The following GPAT3 variants were observed in gnomAD, a reference collection of about 807,000 sequenced individuals.
The protein encoded by GPAT3 is 1-AGP acyltransferase 9.
A neutral mutation model predicts 58.8 loss-of-function variants in GPAT3; 53 were observed. That is an observed-to-expected ratio of 0.90 (90% CI 0.72 to 1.13). GPAT3 has a LOEUF of 1.13. Ranked by LOEUF, GPAT3 falls within the 50% of genes most tolerant of loss-of-function variation. The probability of loss-of-function intolerance (pLI) is 0.00; values close to 1 mark genes in which losing one functional copy is unlikely to be tolerated. For synonymous variants in GPAT3, 197 were observed against 187.4 expected, an observed-to-expected ratio of 1.05 and a Z score of -0.42; for missense variants, 511 against 527.6, an observed-to-expected ratio of 0.97 and a Z score of 0.31.
intron 2 of GPAT3, among the ~76,000 whole-genome samples, chr4:83,545,622 C>G (rs1002148699): frequency 6.6e-6 from 1 of 152,134 alleles, no homozygotes; most frequent in African/African-American, 2.4e-5. Flanking sequence ...ATGATTGAAG[C>G]AACTAGTAGA....
At chr4:83,583,658 C>G (rs55724846) in intron 3 of GPAT3, among the ~76,000 whole-genome samples, 22,906 of 101,396 alleles carry the variant, frequency 0.23, 2,732 homozygotes, top group East Asian at 0.39. Context: ...CAGAGCGAGA[C>G]TCTTGTCTGA....
At chr4:83,555,895 A>AG (rs1724924282) in intron 2 of GPAT3, among the ~76,000 whole-genome samples, 1 of 152,316 alleles carries the variant, frequency 6.6e-6, no homozygotes, top group Non-Finnish European at 1.5e-5. Flanking sequence ...TTGGTGTGGG[A>AG]GAAAAACCCA....
At chr4:83,590,324 T>G in intron 6 of GPAT3, 32 bp downstream of exon 6, 1 of 1,596,856 alleles carries the variant, frequency 6.3e-7, no homozygotes, top group Non-Finnish European at 8.6e-7. Context: ...TTCAAGTAGT[T>G]GCATGTTTTA....
At chr4:83,574,825 A>G (rs1023183935) in intron 2 of GPAT3, among the ~76,000 whole-genome samples, 1 of 141,930 alleles carries the variant, frequency 7.0e-6, no homozygotes, top group African/African-American at 2.6e-5. Flanking sequence ...GTTTATTTCT[A>G]TGTATTTTGA....
At chr4:83,565,914 G>A (rs1725364539) in intron 2 of GPAT3, among the ~76,000 whole-genome samples, 1 of 152,200 alleles carries the variant, frequency 6.6e-6, no homozygotes, top group Non-Finnish European at 1.5e-5. Context: ...GGAGAACTCT[G>A]TGAGTTTCCT....
rs367948973 is a variant in GPAT3 at position 83,594,923 on chromosome 4, C to T, written c.817C>T (p.Arg273Cys). The T allele has an allele frequency of 1.8e-4, 286 of 1,613,744 alleles. No individual in the cohort carries two copies. The highest frequency in any genetic ancestry group is 3.3e-4 in the Middle Eastern group (2 of 6,078). ...VKACPHVWFE[R>C]SEMKDRHLVT... Reference sequence around the variant, plus strand: ...GGCTTGTCCTCATGTCTGGTTTGAACGCTCAGAAATGAAGGATCGACACCT... The same window carrying T: ...GGCTTGTCCTCATGTCTGGTTTGAATGCTCAGAAATGAAGGATCGACACCT... The change falls in exon 7 of 12, where the codon CGC (arginine) becomes TGC (cysteine). Residue 273 changes from arginine to cysteine, a missense_variant. Transcript: ENST00000264409.
intron 2 of GPAT3, among the ~76,000 whole-genome samples, chr4:83,545,874 G>A (rs1308447131): frequency 6.6e-6 from 1 of 152,106 alleles, no homozygotes; most frequent in African/African-American, 2.4e-5. Flanking sequence ...CTGAGCTGTT[G>A]ATCTTGAGAG....
At chr4:83,596,762 C>G (rs1726856706) in intron 7 of GPAT3, 96 bp from the exon 8 acceptor site, 1 of 913,408 alleles carries the variant, frequency 1.1e-6, no homozygotes, top group African/African-American at 1.7e-5. Flanking sequence ...CTCCTTATTG[C>G]TTCACAATTG....
intron 2 of GPAT3, among the ~76,000 whole-genome samples, chr4:83,578,625 T>C (rs1431371729): frequency 6.6e-6 from 1 of 152,212 alleles, no homozygotes; most frequent in Admixed American, 6.5e-5. Flanking sequence ...TCTTCCCTCC[T>C]GCTGTAATGA....
chr4:83,567,167 T>C (rs1725429273), intron 2 of GPAT3, among the ~76,000 whole-genome samples: 1 of 152,182 alleles, frequency 6.6e-6, no homozygotes, highest in South Asian at 2.1e-4. Context: ...CTTGTCTGGT[T>C]GTGCTGGCTG....
intron 2 of GPAT3, among the ~76,000 whole-genome samples, chr4:83,566,443 A>ATTATTATTATTATTATTT (rs1553945453): frequency 2.0e-5 from 3 of 148,126 alleles, no homozygotes; most frequent in African/African-American, 7.4e-5. Flanking sequence ...TATTATTATT[A>ATTATTATTATTATTATTT]TTATTTTTAA....
At chr4:83,576,710 C>T (rs1013987580) in intron 2 of GPAT3, among the ~76,000 whole-genome samples, 6 of 152,056 alleles carry the variant, frequency 3.9e-5, no homozygotes, top group Admixed American at 3.3e-4. Context: ...TCCCAAAGTA[C>T]TGGGATTACA....
intron 2 of GPAT3, among the ~76,000 whole-genome samples, chr4:83,547,504 G>T (rs146753513): frequency 2.7e-5 from 4 of 150,766 alleles, no homozygotes; most frequent in East Asian, 3.9e-4. Flanking sequence ...TGCCCACCTC[G>T]GCCTCCCAAA....
intron 2 of GPAT3, among the ~76,000 whole-genome samples, chr4:83,576,600 T>C (rs976568839): frequency 4.6e-5 from 7 of 152,020 alleles, no homozygotes; most frequent in African/African-American, 1.7e-4. Flanking sequence ...TGTGGCACCA[T>C]GCCCAGCTAA....
chr4:83,583,948 G>A (rs927455228), intron 3 of GPAT3, among the ~76,000 whole-genome samples: 2 of 152,150 alleles, frequency 1.3e-5, no homozygotes, highest in African/African-American at 4.8e-5. Context: ...CTGGGTGACA[G>A]AGTGAGGTGA....
intron 2 of GPAT3, among the ~76,000 whole-genome samples, chr4:83,547,380 G>C (rs1045891970): frequency 6.7e-6 from 1 of 150,364 alleles, no homozygotes; most frequent in Non-Finnish European, 1.5e-5. Context: ...AGCCTCCCGA[G>C]TAGCTGGGAC....
intron 3 of GPAT3, among the ~76,000 whole-genome samples, chr4:83,586,259 T>C (rs567685340): frequency 2.0e-5 from 3 of 152,320 alleles, no homozygotes; most frequent in South Asian, 2.1e-4. Context: ...AAAGTAAAGA[T>C]AGCTACGTGT....
intron 6 of GPAT3, among the ~76,000 whole-genome samples, chr4:83,593,018 C>G (rs908849341): frequency 1.3e-5 from 2 of 151,254 alleles, no homozygotes; most frequent in Non-Finnish European, 2.9e-5. Context: ...AGGTGCCCAC[C>G]ACCATGCCCA....
At chr4:83,542,610 GTTC>G (rs1345198512) in intron 1 of GPAT3, among the ~76,000 whole-genome samples, 1 of 152,182 alleles carries the variant, frequency 6.6e-6, no homozygotes, top group African/African-American at 2.4e-5. Flanking sequence ...TATCAGTTAT[GTTC>G]TTATTTATTT....
Sources: allele counts gnomAD v4.1 joint callset (sites outside exome capture counted in the v4.1 genomes callset), GRCh38; gene constraint gnomAD v4.1.1; transcripts MANE v1.5; gene names NCBI Gene and HGNC (gene_info 2026-07-23, HGNC 2026-07-21).